Variants in ACAA2 observed in about 807,000 individuals in gnomAD.
ACAA2 encodes the protein acetyl-CoA acyltransferase 2, also known as 3-ketoacyl-CoA thiolase, mitochondrial.
A neutral mutation model predicts 44.8 loss-of-function variants in ACAA2; 35 were observed. The observed-to-expected ratio is 0.78, with a 90% CI of 0.60 to 1.04. The LOEUF (loss-of-function observed/expected upper bound fraction) is 1.04. ACAA2 is among the 50% of genes least tolerant of loss of function. ACAA2 has a pLI of 0.00. For missense variants in ACAA2, 468 were observed against 482.6 expected, an observed-to-expected ratio of 0.97 and a Z score of 0.28; for synonymous variants, 142 against 166.5, an observed-to-expected ratio of 0.85 and a Z score of 1.13.
At chr18:49,792,458 T>G (rs948867418) in intron 5 of ACAA2, 131 bp from the exon 6 acceptor site, 2 of 873,840 alleles carry the variant, frequency 2.3e-6, no homozygotes, top group Non-Finnish European at 1.7e-6. Flanking sequence ...TCTTTATTAA[T>G]TTTTGAGATG....
intron 7 of ACAA2, among the ~76,000 whole-genome samples, chr18:49,791,051 A>G (rs2023392496): frequency 6.6e-6 from 1 of 152,196 alleles, no homozygotes; most frequent in African/African-American, 2.4e-5. Context: ...AATGTGTGTA[A>G]AACAACCAGC....
At chr18:49,807,018 A>G (rs2023616278) in intron 1 of ACAA2, among the ~76,000 whole-genome samples, 1 of 152,252 alleles carries the variant, frequency 6.6e-6, no homozygotes, top group African/African-American at 2.4e-5. Flanking sequence ...TCACTGGAAA[A>G]AGGATCGTCT....
intron 2 of ACAA2, among the ~76,000 whole-genome samples, chr18:49,801,175 A>G (rs1032948050): frequency 6.6e-6 from 1 of 152,236 alleles, no homozygotes; most frequent in Non-Finnish European, 1.5e-5. Context: ...GTCAAATGTT[A>G]TTCGAAGCAT....
In ACAA2 at chr18:49,796,011, G is replaced by T. The variant is rs532031031; in HGVS notation, c.313-130C>A. ...TACTGTAGCTTACAGTGTCTCAAAA[G>T]GAAATGCTTTTAAAGTAACTGTAAA... On this transcript the variant is annotated intron_variant, in intron 3 of 9. Coordinates refer to ENST00000285093, the MANE Select transcript of ACAA2 (RefSeq NM_006111.3). 4.1e-5 allele frequency: 24 copies of T among 580,370 alleles called. No homozygotes were observed. In the East Asian group the frequency reaches 6.6e-4, roughly 16 times the overall value. The allele number at this position is 580,370 out of a possible 1,614,324, so 36.0% of individuals were successfully genotyped here.
At chr18:49,786,165 T>C (rs1337071915) in intron 8 of ACAA2, 1 of 152,184 alleles carries the variant, frequency 6.6e-6, no homozygotes, top group Non-Finnish European at 1.5e-5. Context: ...TTGTGGTCTC[T>C]CAAGATGGTG....
chr18:49,812,203 A>G (rs2143987519), intron 1 of ACAA2, among the ~76,000 whole-genome samples: 1 of 152,228 alleles, frequency 6.6e-6, no homozygotes, highest in Middle Eastern at 3.4e-3. Flanking sequence ...CAGAATACGG[A>G]TTTTTCCCTT....
intron 1 of ACAA2, among the ~76,000 whole-genome samples, chr18:49,804,853 G>A (rs373058464): frequency 1.3e-5 from 2 of 152,068 alleles, no homozygotes; most frequent in African/African-American, 4.8e-5. Flanking sequence ...GATGTGAGTG[G>A]TACCCACTCA....
In ACAA2 at chr18:49,783,753, T is replaced by C. The variant is rs2023292640; in HGVS notation, c.*94A>G. On this transcript the variant is annotated 3_prime_UTR_variant, in exon 10 of 10. Coordinates refer to ENST00000285093, the MANE Select transcript of ACAA2 (RefSeq NM_006111.3). ...TAATCACTGTTTCAATGGCAGGGCA[T>C]GGCCAGTTGTGGCAGCTGCTCTGAA... The C allele has an allele frequency of 1.0e-6, 1 of 971,384 alleles. No homozygotes were observed. The highest frequency in any genetic ancestry group is 1.4e-5 in the South Asian group (1 of 72,690). The allele number at this position is 971,384 out of a possible 1,614,324, so 60.2% of individuals were successfully genotyped here.
chr18:49,798,333 A>G (rs2143964049), intron 2 of ACAA2, among the ~76,000 whole-genome samples: 1 of 152,290 alleles, frequency 6.6e-6, no homozygotes, highest in African/African-American at 2.4e-5. Context: ...TTTAAAATGC[A>G]TATGGGGGCG....
rs2023274185 is a variant in ACAA2 at position 49,782,167 on chromosome 18, T to C, written c.*1680A>G. ...GAAGAATATGTAAAAAACAAAATGT[T>C]CTGCAAAACATTGTTTTATTATGAG... On this transcript the variant is annotated 3_prime_UTR_variant, in exon 10 of 10. Coordinates refer to ENST00000285093, the MANE Select transcript of ACAA2 (RefSeq NM_006111.3). 6.6e-6 allele frequency: 1 copy of C among 152,184 alleles called. No individual in the cohort carries two copies. Among genetic ancestry groups the C allele is most frequent in the Admixed American group, 6.5e-5 (1 of 15,282 alleles). The allele number at this position is 152,184 out of a possible 1,614,324, so 9.4% of individuals were successfully genotyped here. A position where few individuals can be genotyped will look rare whatever the true frequency, so the allele number is the denominator to read the frequency against.
chr18:49,812,472 CAATCCACTTTCTATCA>C (rs1223535037), intron 1 of ACAA2, among the ~76,000 whole-genome samples: 1 of 152,140 alleles, frequency 6.6e-6, no homozygotes, highest in Admixed American at 6.6e-5. Flanking sequence ...CCACCACATC[CAATCCACTTTCTATCA>C]AATCCACCTC....
In ACAA2 at chr18:49,783,988, T is replaced by C. The variant is rs373666168; in HGVS notation, c.1110-57A>G. 4.4e-5 allele frequency: 61 copies of C among 1,372,344 alleles called. No individual in the cohort carries two copies. The African/African-American group carries it at 6.5e-4, about 15-fold the overall frequency. The allele number at this position is 1,372,344 out of a possible 1,614,324, so 85.0% of individuals were successfully genotyped here. ...CTAATAAAAAATCAGATTAATGAAA[T>C]AGAACTAATAACATCACATCTGCAT... On this transcript the variant is annotated intron_variant, in intron 9 of 9. Transcript: ENST00000285093.
At chr18:49,788,412 C>T (rs560604711) in intron 7 of ACAA2, among the ~76,000 whole-genome samples, 8 of 152,290 alleles carry the variant, frequency 5.3e-5, no homozygotes, top group East Asian at 3.9e-4. Flanking sequence ...TATTTTGTCA[C>T]GTAGTTAAAA....
intron 2 of ACAA2, among the ~76,000 whole-genome samples, chr18:49,801,951 T>C (rs1266038945): frequency 6.6e-6 from 1 of 152,070 alleles, no homozygotes; most frequent in African/African-American, 2.4e-5. Context: ...TACCTGCATA[T>C]GAATGATTGA....
intron 2 of ACAA2, among the ~76,000 whole-genome samples, chr18:49,798,098 G>C (rs1317922255): frequency 6.6e-6 from 1 of 152,110 alleles, no homozygotes; most frequent in African/African-American, 2.4e-5. Context: ...GTTGCAGGCT[G>C]GAATAACCTA....
At chr18:49,801,302 T>C (rs895481552) in intron 2 of ACAA2, among the ~76,000 whole-genome samples, 4 of 152,200 alleles carry the variant, frequency 2.6e-5, no homozygotes, top group Admixed American at 1.3e-4. Flanking sequence ...AGAAAAACTG[T>C]CTTTAGGAAC....
At chr18:49,800,095 C>T in intron 2 of ACAA2, among the ~76,000 whole-genome samples, 1 of 149,506 alleles carries the variant, frequency 6.7e-6, no homozygotes, top group East Asian at 2.0e-4. Context: ...GGGGTCAGCC[C>T]CCACCAGGCC....
chr18:49,789,019 T>C (rs2023366747), intron 7 of ACAA2, among the ~76,000 whole-genome samples: 1 of 152,234 alleles, frequency 6.6e-6, no homozygotes, highest in Admixed American at 6.5e-5. Flanking sequence ...TTGCATATGA[T>C]GCCAAGTAAT....
intron 3 of ACAA2, among the ~76,000 whole-genome samples, chr18:49,796,557 G>C (rs1368465729): frequency 6.6e-6 from 1 of 152,122 alleles, no homozygotes; most frequent in Non-Finnish European, 1.5e-5. Flanking sequence ...AATGAAATTG[G>C]ATTTCACTTT....
Sources: allele counts gnomAD v4.1 joint callset (sites outside exome capture counted in the v4.1 genomes callset), GRCh38; gene constraint gnomAD v4.1.1; transcripts MANE v1.5; gene names NCBI Gene and HGNC (gene_info 2026-07-23, HGNC 2026-07-21).